The following ENTPD5 variants were observed in gnomAD, a reference collection of about 807,000 sequenced individuals.
ENTPD5 encodes the protein ectonucleoside triphosphate diphosphohydrolase 5 (inactive).
A neutral mutation model predicts 60.2 loss-of-function variants in ENTPD5; 49 were observed. The observed-to-expected ratio is 0.81, with a 90% CI of 0.65 to 1.03. The LOEUF (loss-of-function observed/expected upper bound fraction) is 1.03, where lower values mean the gene tolerates loss of function less well. Ranked by LOEUF, ENTPD5 falls within the 50% of genes least tolerant of loss-of-function variation. The pLI, the probability that ENTPD5 is intolerant of heterozygous loss-of-function variation, is 0.00. For missense variants in ENTPD5, 480 were observed against 507.6 expected, an observed-to-expected ratio of 0.95 and a Z score of 0.52; for synonymous variants, 187 against 185.4, an observed-to-expected ratio of 1.01 and a Z score of -0.07.
chr14:73,955,504 A>G, downstream of ENTPD5: 1 of 1,613,904 alleles, frequency 6.2e-7, no homozygotes, highest in Non-Finnish European at 8.5e-7. Context: ...CTTTCGGCGA[A>G]TGCAGGTGCC....
chr14:73,957,606 T>G (rs2056503974), downstream of ENTPD5, among the ~76,000 whole-genome samples: 1 of 152,054 alleles, frequency 6.6e-6, no homozygotes, highest in Non-Finnish European at 1.5e-5. Context: ...CCTGGTTAAT[T>G]TTTTGTAAAG....
chr14:73,986,563 T>C (rs931325070), intron 5 of ENTPD5: 16 of 470,722 alleles, frequency 3.4e-5, no homozygotes, highest in South Asian at 2.7e-4. Flanking sequence ...AGTAAGTACA[T>C]AGGGAGTAAT....
At chr14:73,976,963 T>C (rs930671457) in intron 8 of ENTPD5, 61 bp downstream of exon 8, 1 of 1,346,124 alleles carries the variant, frequency 7.4e-7, no homozygotes, top group Non-Finnish European at 1.1e-6. Flanking sequence ...AGGCTTTTAC[T>C]CCTCTGACTA....
chr14:73,970,154 A>C, intron 14 of ENTPD5, 29 bp from the exon 15 acceptor site: 1,366 of 1,503,326 alleles, frequency 9.1e-4, no homozygotes, highest in Non-Finnish European at 1.2e-3. Flanking sequence ...AGTGGAGCTC[A>C]AGTTTGCAAC....
In ENTPD5 at chr14:73,963,422, G is replaced by A; in HGVS notation, c.*3506C>T. ...TTTTTGTTAGAATTGCTGTTTAAAT[G>A]TTAACATCAGAATGCAAATTAAATA... On this transcript the variant is annotated 3_prime_UTR_variant, in exon 16 of 16. Coordinates refer to ENST00000334696, the MANE Select transcript of ENTPD5 (RefSeq NM_001249.5). 4.0e-6 allele frequency: 1 copy of A among 248,782 alleles called. No individual in the cohort carries two copies. Among genetic ancestry groups the A allele is most frequent in the Non-Finnish European group, 7.6e-6 (1 of 131,030 alleles). The allele number at this position is 248,782 out of a possible 1,614,324, so 15.4% of individuals were successfully genotyped here.
At chr14:73,984,331 A>T (rs1471759500) in intron 5 of ENTPD5, among the ~76,000 whole-genome samples, 1 of 152,148 alleles carries the variant, frequency 6.6e-6, no homozygotes, top group Non-Finnish European at 1.5e-5. Context: ...TGGTTTCCTC[A>T]AGTGTGGGAT....
chr14:74,001,048 C>T (rs912748946), intron 3 of ENTPD5, among the ~76,000 whole-genome samples: 2 of 151,976 alleles, frequency 1.3e-5, no homozygotes, highest in East Asian at 3.9e-4. Context: ...CAGTGAGACC[C>T]TATCCGTATA....
intron 6 of ENTPD5, among the ~76,000 whole-genome samples, chr14:73,981,452 T>C (rs1035435147): frequency 2.0e-5 from 3 of 151,290 alleles, no homozygotes; most frequent in African/African-American, 7.3e-5. Flanking sequence ...TGAGCCAACA[T>C]TGTGCCACTG....
At chr14:74,006,660 A>C (rs924706089) in intron 3 of ENTPD5, among the ~76,000 whole-genome samples, 3 of 150,596 alleles carry the variant, frequency 2.0e-5, no homozygotes, top group Non-Finnish European at 2.9e-5. Flanking sequence ...GACACAGCTC[A>C]CTGCAACCTT....
intron 3 of ENTPD5, among the ~76,000 whole-genome samples, chr14:74,000,473 T>C (rs1203211971): frequency 1.4e-5 from 2 of 147,482 alleles, no homozygotes; most frequent in East Asian, 4.1e-4. Context: ...TTAAAAAATA[T>C]ATATATAAGC....
chr14:73,974,256 A>G (rs73301449), intron 11 of ENTPD5, among the ~76,000 whole-genome samples: 1 of 152,110 alleles, frequency 6.6e-6, no homozygotes, highest in African/African-American at 2.4e-5. Flanking sequence ...TCTCAAAGAG[A>G]TCCAAAACCT....
intron 6 of ENTPD5, 33 bp downstream of exon 6, chr14:73,982,985 C>G (rs1369905029): frequency 1.9e-6 from 3 of 1,603,880 alleles, no homozygotes; most frequent in East Asian, 2.2e-5. Flanking sequence ...GGGAAAAGGG[C>G]AGAATGATCC....
chr14:73,959,068 A>G, downstream of ENTPD5: 2 of 1,614,112 alleles, frequency 1.2e-6, no homozygotes, highest in African/African-American at 1.3e-5. Context: ...GCTACTCTGC[A>G]TTTATCAGAG....
intron 6 of ENTPD5, among the ~76,000 whole-genome samples, chr14:73,982,078 G>T (rs2057713581): frequency 6.6e-6 from 1 of 151,926 alleles, no homozygotes; most frequent in Non-Finnish European, 1.5e-5. Flanking sequence ...ATAATTTTTT[G>T]TTTGTTTGTT....
At chr14:73,971,162 GTT>G (rs113156308) in intron 14 of ENTPD5, among the ~76,000 whole-genome samples, 23 of 144,482 alleles carry the variant, frequency 1.6e-4, no homozygotes, top group Non-Finnish European at 2.1e-4. Flanking sequence ...AAGCCTCTTT[GTT>G]TTTTTTTTTT....
At chr14:73,979,778 C>A (rs1476880891) in intron 6 of ENTPD5, among the ~76,000 whole-genome samples, 1 of 151,678 alleles carries the variant, frequency 6.6e-6, no homozygotes, top group Non-Finnish European at 1.5e-5. Flanking sequence ...GCCCAGTAAG[C>A]ACTCTTATGT....
intron 2 of ENTPD5, among the ~76,000 whole-genome samples, chr14:74,014,597 T>C (rs1485853094): frequency 6.6e-6 from 1 of 152,076 alleles, no homozygotes; most frequent in Non-Finnish European, 1.5e-5. Context: ...TAACATATCT[T>C]GTATATAAGT....
intron 3 of ENTPD5, among the ~76,000 whole-genome samples, chr14:73,995,047 A>AATTTTTT (rs1488724543): frequency 9.5e-6 from 1 of 105,480 alleles, no homozygotes; most frequent in East Asian, 2.3e-4. Flanking sequence ...AGCCAGGCAG[A>AATTTTTT]ATTTTTTTTT....
chr14:73,964,574 T>A lies in ENTPD5; in HGVS notation c.*2354A>T, dbSNP rs762083036. On this transcript the variant is annotated 3_prime_UTR_variant, in exon 16 of 16. Transcript: ENST00000334696. Reference sequence around the variant, plus strand: ...CCCACAGTGATTAAAGACCAGAGACTTATATCTCTGCATTTGTCAAGCTGG... The same window carrying A: ...CCCACAGTGATTAAAGACCAGAGACATATATCTCTGCATTTGTCAAGCTGG... 6.6e-6 allele frequency: 1 copy of A among 152,204 alleles called. No individual in the cohort carries two copies. The highest frequency in any genetic ancestry group is 2.4e-5 in the African/African-American group (1 of 41,448). 9.4% of individuals were successfully genotyped at this position (152,204 alleles called of 1,614,324 possible). A position where few individuals can be genotyped will look rare whatever the true frequency, so the allele number is the denominator to read the frequency against.
Sources: gnomAD v4.1 joint callset for allele counts (sites outside exome capture counted in the v4.1 genomes callset) on GRCh38, gnomAD v4.1.1 for gene constraint, MANE v1.5 for transcripts, NCBI Gene and HGNC (gene_info 2026-07-23, HGNC 2026-07-21) for gene names.